Variants in SNCAIP observed in about 807,000 individuals in gnomAD.
SNCAIP encodes synphilin-1.
In SNCAIP, 43 loss-of-function variants were observed where a neutral mutation model predicts 86.7. The observed-to-expected ratio is 0.50, with a 90% CI of 0.39 to 0.64. The LOEUF (loss-of-function observed/expected upper bound fraction) is 0.64. Among genes scored for constraint, SNCAIP ranks in the 30% least tolerant of loss-of-function variants. The pLI is 0.00. For synonymous variants in SNCAIP, 417 were observed against 427.2 expected (o/e 0.98, Z 0.29); for missense variants, 981 against 1,103.1 (o/e 0.89, Z 1.57).
At chr5:122,401,495 C>G (rs943667117) in intron 2 of SNCAIP, among the ~76,000 whole-genome samples, 1 of 152,154 alleles carries the variant, frequency 6.6e-6, no homozygotes, top group Non-Finnish European at 1.5e-5. Flanking sequence ...AGATTAGAGT[C>G]ATTGCTGAAT....
At chr5:122,408,124 C>T (rs1008850191) in intron 3 of SNCAIP, among the ~76,000 whole-genome samples, 3 of 152,178 alleles carry the variant, frequency 2.0e-5, no homozygotes, top group Non-Finnish European at 2.9e-5. Context: ...TTTTCACTCT[C>T]CTGTGGATAC....
At chr5:122,434,595 T>C (rs1779016563) in intron 6 of SNCAIP, among the ~76,000 whole-genome samples, 2 of 152,156 alleles carry the variant, frequency 1.3e-5, no homozygotes, top group Non-Finnish European at 2.9e-5. Flanking sequence ...TTCAAGATGA[T>C]ATGCATTTTT....
At chr5:122,394,982 C>A (rs1189872816) in intron 2 of SNCAIP, among the ~76,000 whole-genome samples, 1 of 152,174 alleles carries the variant, frequency 6.6e-6, no homozygotes, top group South Asian at 2.1e-4. Context: ...AAATGCAGAA[C>A]TATTTGGCCA....
intron 1 of SNCAIP, among the ~76,000 whole-genome samples, chr5:122,333,290 C>T (rs1290075819): frequency 6.6e-6 from 1 of 152,148 alleles, no homozygotes; most frequent in African/African-American, 2.4e-5. Flanking sequence ...TAATGCGTAC[C>T]ATTCAAGTGC....
intron 7 of SNCAIP, among the ~76,000 whole-genome samples, chr5:122,442,940 G>A (rs577692842): frequency 1.1e-4 from 17 of 152,154 alleles, no homozygotes; most frequent in Non-Finnish European, 2.5e-4. Context: ...CCGAGAGTGA[G>A]CAAGGGACCC....
intron 1 of SNCAIP, among the ~76,000 whole-genome samples, chr5:122,315,037 G>A (rs1751416926): frequency 6.6e-6 from 1 of 152,210 alleles, no homozygotes; most frequent in African/African-American, 2.4e-5. Flanking sequence ...TGAGGAGAGA[G>A]TGATCAAGGT....
At chr5:122,336,096 A>G (rs953424024) in intron 1 of SNCAIP, among the ~76,000 whole-genome samples, 1 of 152,200 alleles carries the variant, frequency 6.6e-6, no homozygotes, top group Admixed American at 6.5e-5. Flanking sequence ...TCTTCTACAG[A>G]CAAAATAAGA....
intron 1 of SNCAIP, among the ~76,000 whole-genome samples, chr5:122,362,806 A>G (rs988283916): frequency 2.6e-5 from 4 of 152,164 alleles, no homozygotes. Flanking sequence ...TAAGATAATG[A>G]TAACAAACAT....
In SNCAIP at chr5:122,451,080, G is replaced by A. The variant is rs868328409; in HGVS notation, c.2233G>A (p.Gly745Ser). 1.9e-6 allele frequency: 3 copies of A among 1,614,136 alleles called. No individual in the cohort carries two copies. Among genetic ancestry groups the A allele is most frequent in the Middle Eastern group, 3.3e-4 (2 of 6,062 alleles). ...FSIKASKSLD[G>S]HSPSPTSESS... Reference sequence around the variant, plus strand: ...CATCAAGGCCTCCAAATCCCTGGATGGCCACAGCCCATCTCCCACCTCAGA... The same window carrying A: ...CATCAAGGCCTCCAAATCCCTGGATAGCCACAGCCCATCTCCCACCTCAGA... The change falls in exon 10 of 11, where the codon GGC becomes AGC. Residue 745 changes from glycine (G) to serine (S), a missense_variant. Gly to Ser is a moderately conservative substitution (Grantham distance 56). Transcript: ENST00000261368.
chr5:122,450,596 T>C lies in SNCAIP; in HGVS notation c.1749T>C (p.Ser583=). 3 of 1,614,168 alleles carry C rather than the reference T, an allele frequency of 1.9e-6. No individual in the cohort carries two copies. Among genetic ancestry groups the C allele is most frequent in the Non-Finnish European group, 2.5e-6 (3 of 1,180,006 alleles). Residue 583 remains serine, a synonymous_variant, in exon 10 of 11, where the codon TCT becomes TCC. Coordinates refer to ENST00000261368, the MANE Select transcript of SNCAIP (RefSeq NM_005460.4). ...AATCTCCAGATGCAGATGATGATTC[T>C]GTAGCCAAAAGCAAGCCAGGAGTCC... The part of the protein sequence containing the change: ...QWKSPDADDD[S]VAKSKPGVQE...
chr5:122,328,727 C>T (rs552123422), intron 1 of SNCAIP, among the ~76,000 whole-genome samples: 7 of 152,146 alleles, frequency 4.6e-5, no homozygotes, highest in South Asian at 2.1e-4. Flanking sequence ...GTAAATTTTT[C>T]GTAAGTCCTT....
intron 1 of SNCAIP, among the ~76,000 whole-genome samples, chr5:122,334,820 A>C (rs925435146): frequency 1.3e-5 from 2 of 152,238 alleles, no homozygotes; most frequent in African/African-American, 4.8e-5. Context: ...TATACATATA[A>C]ATAAACCACT....
chr5:122,457,386 A>T (rs1375354478), intron 10 of SNCAIP, among the ~76,000 whole-genome samples: 1 of 152,072 alleles, frequency 6.6e-6, no homozygotes, highest in African/African-American at 2.4e-5. Flanking sequence ...TGCATGCCCA[A>T]TGAGCAAAAG....
chr5:122,341,858 C>T (rs1489055519), intron 1 of SNCAIP, among the ~76,000 whole-genome samples: 2 of 152,168 alleles, frequency 1.3e-5, no homozygotes, highest in Admixed American at 6.5e-5. Context: ...AACAATACTC[C>T]ATCCCGAATT....
intron 1 of SNCAIP, among the ~76,000 whole-genome samples, chr5:122,344,114 T>C (rs1040619168): frequency 5.9e-5 from 9 of 152,122 alleles, no homozygotes; most frequent in African/African-American, 1.7e-4. Flanking sequence ...CACCTGAAAT[T>C]CATATTGAAT....
chr5:122,383,023 G>T (rs1455522515), intron 1 of SNCAIP, among the ~76,000 whole-genome samples: 1 of 152,220 alleles, frequency 6.6e-6, no homozygotes, highest in Non-Finnish European at 1.5e-5. Flanking sequence ...CCCAGAGGTG[G>T]AGTCTACAGA....
intron 1 of SNCAIP, among the ~76,000 whole-genome samples, chr5:122,375,625 G>C (rs984467028): frequency 6.6e-6 from 1 of 151,894 alleles, no homozygotes; most frequent in African/African-American, 2.4e-5. Flanking sequence ...AAGACACTAA[G>C]AACATCTTTG....
intron 1 of SNCAIP, among the ~76,000 whole-genome samples, chr5:122,352,724 T>C (rs572852784): frequency 6.6e-6 from 1 of 152,282 alleles, no homozygotes; most frequent in East Asian, 1.9e-4. Context: ...ATTTCAACCA[T>C]GGATGGCCAG....
chr5:122,410,743 A>G (rs1773944803), intron 3 of SNCAIP, among the ~76,000 whole-genome samples: 1 of 152,216 alleles, frequency 6.6e-6, no homozygotes, highest in African/African-American at 2.4e-5. Flanking sequence ...AAATTGCTTG[A>G]GCCTGGGAGG....
Sources: allele counts gnomAD v4.1 joint callset (sites outside exome capture counted in the v4.1 genomes callset), GRCh38; gene constraint gnomAD v4.1.1; transcripts MANE v1.5; gene names NCBI Gene and HGNC (gene_info 2026-07-23, HGNC 2026-07-21).